The following ASCC3 variants were observed in gnomAD, a reference collection of about 807,000 sequenced individuals.
ASCC3 encodes ASC-1 complex subunit P200.
ASCC3 carries 158 observed loss-of-function variants against 256.3 expected under a neutral mutation model. The observed-to-expected ratio is 0.62, with a 90% CI of 0.54 to 0.70. The LOEUF is 0.70. Among genes scored for constraint, ASCC3 ranks in the 30% least tolerant of loss-of-function variants. The pLI is 0.00. For synonymous variants in ASCC3, 948 were observed against 883.4 expected (o/e 1.07, Z -1.30); for missense variants, 2,259 against 2,626.0 (o/e 0.86, Z 3.05).
Position 100,510,056 on chromosome 6 carries a change from C to G in ASCC3, c.6337G>C (p.Glu2113Gln). ...VTPRFPKSKD[E>Q]GWFLILGEVD... Reference sequence around the variant, plus strand: ...TCTCCTAATATCAAAAACCATCCTTCGTCTTTTGATTTGGGAAATCGAGGA... The same window carrying G: ...TCTCCTAATATCAAAAACCATCCTTGGTCTTTTGATTTGGGAAATCGAGGA... Residue 2113 changes from glutamate to glutamine, a missense_variant, in exon 41 of 42, where the codon GAA (glutamate) becomes CAA (glutamine). Glu to Gln is a conservative substitution (Grantham distance 29). Coordinates refer to ENST00000369162, the MANE Select transcript of ASCC3 (RefSeq NM_006828.4). 6.2e-7 allele frequency: 1 copy of G among 1,614,138 alleles called. No individual in the cohort carries two copies. The highest frequency in any genetic ancestry group is 8.5e-7 in the Non-Finnish European group (1 of 1,180,016).
intron 11 of ASCC3, among the ~76,000 whole-genome samples, chr6:100,723,184 G>A (rs1279286425): frequency 6.6e-6 from 1 of 151,358 alleles, no homozygotes; most frequent in Non-Finnish European, 1.5e-5. Flanking sequence ...TTTTTCTACT[G>A]TAAAATGTTC....
At chr6:100,801,962 C>A (rs1056634811) in intron 5 of ASCC3, among the ~76,000 whole-genome samples, 1 of 147,458 alleles carries the variant, frequency 6.8e-6, no homozygotes, top group Non-Finnish European at 1.5e-5. Context: ...AGGTGACATA[C>A]TAGATGCTAT....
chr6:100,754,281 T>A (rs926755690), intron 10 of ASCC3, among the ~76,000 whole-genome samples: 1 of 152,176 alleles, frequency 6.6e-6, no homozygotes, highest in Admixed American at 6.6e-5. Flanking sequence ...GAAGACCAAA[T>A]GCTTTAAAGG....
intron 13 of ASCC3, among the ~76,000 whole-genome samples, chr6:100,702,399 C>G (rs994460955): frequency 3.3e-5 from 5 of 152,060 alleles, no homozygotes; most frequent in African/African-American, 1.2e-4. Context: ...AGATTACTAC[C>G]ATTTTGTAGG....
At chr6:100,550,052 C>A (rs779063481) in intron 36 of ASCC3, among the ~76,000 whole-genome samples, 2 of 151,884 alleles carry the variant, frequency 1.3e-5, no homozygotes, top group Non-Finnish European at 2.9e-5. Flanking sequence ...TGGGAACATC[C>A]ATGAGCAGGA....
Position 100,650,671 on chromosome 6 carries a change from T to G in ASCC3, c.3119A>C (p.Asn1040Thr). The G allele has an allele frequency of 1.2e-6, 2 of 1,612,302 alleles. No individual in the cohort carries two copies. The highest frequency in any genetic ancestry group is 1.7e-6 in the Non-Finnish European group (2 of 1,178,740). Residue 1040 changes from asparagine (N) to threonine (T), a missense_variant, in exon 20 of 42, where the codon AAT (asparagine) becomes ACT (threonine). Physicochemically the swap from Asn to Thr is moderately conservative, Grantham distance 65 (BLOSUM62 0). This residue lies in a region of ASCC3 where 1,839 missense variants were observed against 2,206.7 expected (regional missense o/e 0.83). Coordinates refer to ENST00000369162, the MANE Select transcript of ASCC3 (RefSeq NM_006828.4). Reference sequence around the variant, plus strand: ...TCCAGGAGTGGAGAGTTCACAAAAATTGCTTAATAAGGTATCTAACTCCTC... The same window carrying G: ...TCCAGGAGTGGAGAGTTCACAAAAAGTGCTTAATAAGGTATCTAACTCCTC... Reference protein sequence around the residue: ...EIEELDTLLSNFCELSTPGGV... With the variant: ...EIEELDTLLSTFCELSTPGGV...
At chr6:100,735,801 C>T (rs1048831365) in intron 10 of ASCC3, among the ~76,000 whole-genome samples, 3 of 152,084 alleles carry the variant, frequency 2.0e-5, no homozygotes, top group African/African-American at 7.2e-5. Flanking sequence ...AAGTATGATA[C>T]AATTTTTATT....
intron 13 of ASCC3, among the ~76,000 whole-genome samples, chr6:100,706,456 C>T (rs1191330046): frequency 2.0e-5 from 3 of 151,460 alleles, no homozygotes; most frequent in Admixed American, 6.6e-5. Flanking sequence ...TAATCCTTTA[C>T]GAGGTTCCAA....
intron 10 of ASCC3, among the ~76,000 whole-genome samples, chr6:100,727,092 CTG>C (rs770138881): frequency 6.6e-6 from 1 of 152,062 alleles, no homozygotes; most frequent in Non-Finnish European, 1.5e-5. Flanking sequence ...TTCCTTACAG[CTG>C]TATATAGTAA....
chr6:100,729,705 G>C (rs1175967612), intron 10 of ASCC3, among the ~76,000 whole-genome samples: 1 of 152,068 alleles, frequency 6.6e-6, no homozygotes, highest in Non-Finnish European at 1.5e-5. Context: ...GGAACAGTTT[G>C]TTACTTTGAA....
chr6:100,681,373 C>A (rs148837565), intron 13 of ASCC3, among the ~76,000 whole-genome samples: 1 of 152,096 alleles, frequency 6.6e-6, no homozygotes, highest in African/African-American at 2.4e-5. Context: ...AGATTTCATA[C>A]TTTATCAGAG....
In ASCC3 at chr6:100,767,769, C is replaced by T. The variant is rs539568415; in HGVS notation, c.1396-424G>A. 5.4e-4 allele frequency among the ~76,000 whole-genome samples: 72 copies of T among 134,226 alleles called. No individual in the cohort carries two copies. The East Asian group carries it at 0.012, about 23-fold the overall frequency. 88.1% of individuals were successfully genotyped at this position (134,226 alleles called of 152,430 possible). A position where few individuals can be genotyped will look rare whatever the true frequency, so the allele number is the denominator to read the frequency against. Reference sequence around the variant, plus strand: ...GACTACAGGCTCCCGCCACCATGCCCGGCTAATTTTTTTTTTTTTTGTATA... The same window carrying T: ...GACTACAGGCTCCCGCCACCATGCCTGGCTAATTTTTTTTTTTTTTGTATA... On this transcript the variant is annotated intron_variant, in intron 8 of 41. Transcript: ENST00000369162.
chr6:100,621,098 A>G (rs1203578094), intron 30 of ASCC3, among the ~76,000 whole-genome samples: 1 of 152,144 alleles, frequency 6.6e-6, no homozygotes, highest in African/African-American at 2.4e-5. Context: ...CCCATCAGTG[A>G]TAGACTGGAT....
intron 11 of ASCC3, 86 bp from the exon 12 acceptor site, chr6:100,718,337 T>C (rs994954354): frequency 8.8e-7 from 1 of 1,142,314 alleles, no homozygotes; most frequent in Admixed American, 2.4e-5. Context: ...ATAGGACTTC[T>C]AAAAACTCTA....
intron 37 of ASCC3, among the ~76,000 whole-genome samples, chr6:100,539,585 G>C (rs994732586): frequency 2.0e-5 from 3 of 151,834 alleles, no homozygotes; most frequent in Non-Finnish European, 2.9e-5. Context: ...AATATACCAA[G>C]TAACTTCCTA....
chr6:100,569,404 T>C (rs1770464008), intron 36 of ASCC3, among the ~76,000 whole-genome samples: 1 of 151,790 alleles, frequency 6.6e-6, no homozygotes, highest in Non-Finnish European at 1.5e-5. Context: ...TTTTTTGAGA[T>C]GGAGTCTTGC....
intron 10 of ASCC3, among the ~76,000 whole-genome samples, chr6:100,748,278 A>G (rs1780778604): frequency 6.6e-6 from 1 of 151,954 alleles, no homozygotes; most frequent in Non-Finnish European, 1.5e-5. Flanking sequence ...TCAAGTCAAT[A>G]CTTTGGGGCT....
intron 36 of ASCC3, among the ~76,000 whole-genome samples, chr6:100,583,371 C>A (rs559296698): frequency 6.6e-6 from 1 of 152,046 alleles, no homozygotes; most frequent in Admixed American, 6.6e-5. Flanking sequence ...AGTTTATTTG[C>A]GTAGAGGTGT....
intron 4 of ASCC3, among the ~76,000 whole-genome samples, chr6:100,812,202 G>A (rs542360620): frequency 1.3e-5 from 2 of 152,190 alleles, no homozygotes; most frequent in Admixed American, 6.5e-5. Flanking sequence ...GTGGAAACAT[G>A]GGACAAATAT....
Sources: gnomAD v4.1 joint callset for allele counts (sites outside exome capture counted in the v4.1 genomes callset) on GRCh38, gnomAD v4.1.1 for gene constraint, gnomAD v4.1.1 regional missense constraint, MANE v1.5 for transcripts, NCBI Gene and HGNC (gene_info 2026-07-23, HGNC 2026-07-21) for gene names.